Variants in KCNK2 observed in about 807,000 individuals in gnomAD.
The protein encoded by KCNK2 is potassium two pore domain channel subfamily K member 2.
KCNK2 carries 21 observed loss-of-function variants against 40.5 expected under a neutral mutation model. The observed-to-expected ratio is 0.52, with a 90% CI of 0.37 to 0.75. The LOEUF (loss-of-function observed/expected upper bound fraction) is 0.75, where lower values mean the gene tolerates loss of function less well. Among genes scored for constraint, KCNK2 ranks in the 30% least tolerant of loss-of-function variants. The probability of loss-of-function intolerance (pLI) is 0.00; values close to 1 mark genes in which losing one functional copy is unlikely to be tolerated. For synonymous variants in KCNK2, 191 were observed against 202.2 expected (o/e 0.94, Z 0.47); for missense variants, 399 against 531.6 (o/e 0.75, Z 2.45).
At chr1:215,025,188 T>C (rs1656960052) in intron 1 of KCNK2, among the ~76,000 whole-genome samples, 1 of 152,042 alleles carries the variant, frequency 6.6e-6, no homozygotes, top group Admixed American at 6.5e-5. Flanking sequence ...ATTGGTTAAA[T>C]GAGGATAATA....
chr1:215,062,545 T>C (rs1165831543), intron 1 of KCNK2, among the ~76,000 whole-genome samples: 1 of 150,848 alleles, frequency 6.6e-6, no homozygotes, highest in Non-Finnish European at 1.5e-5. Flanking sequence ...AAACAAGAAC[T>C]CTACACCTGA....
intron 1 of KCNK2, among the ~76,000 whole-genome samples, chr1:215,034,818 A>C (rs1391564758): frequency 6.6e-6 from 1 of 152,116 alleles, no homozygotes; most frequent in Non-Finnish European, 1.5e-5. Flanking sequence ...ATGAATGTTT[A>C]CTAACCCATG....
chr1:215,207,115 C>T lies in KCNK2; in HGVS notation c.963+12023C>T, dbSNP rs189811798. Among the ~76,000 whole-genome samples the T allele has an allele frequency of 5.9e-5, 9 of 152,184 alleles. No homozygotes were observed. The East Asian group carries it at 1.7e-3, about 29-fold the overall frequency. ...AATGTATGTGCAAACATACTCTCCC[C>T]CAAATGGAGATAGCTTTTTAAATCA... On this transcript the variant is annotated intron_variant, in intron 6 of 6. Transcript: ENST00000444842.
At chr1:215,193,159 A>T (rs1414295556) in intron 5 of KCNK2, among the ~76,000 whole-genome samples, 1 of 152,044 alleles carries the variant, frequency 6.6e-6, no homozygotes, top group Non-Finnish European at 1.5e-5. Flanking sequence ...TTGATTTTTA[A>T]TATATACCTG....
At chr1:215,085,911 G>T (rs1659411718) in intron 1 of KCNK2, among the ~76,000 whole-genome samples, 1 of 152,130 alleles carries the variant, frequency 6.6e-6, no homozygotes, top group Non-Finnish European at 1.5e-5. Context: ...AATAGAGAAT[G>T]TTCTTTATAT....
At chr1:215,218,609 T>C (rs1032988560) in intron 6 of KCNK2, among the ~76,000 whole-genome samples, 4 of 152,164 alleles carry the variant, frequency 2.6e-5, no homozygotes, top group Non-Finnish European at 5.9e-5. Flanking sequence ...TCAGTCTCTA[T>C]ACCACCACTT....
chr1:215,066,924 A>G (rs981225180), intron 1 of KCNK2, among the ~76,000 whole-genome samples: 3 of 152,266 alleles, frequency 2.0e-5, no homozygotes, highest in Non-Finnish European at 4.4e-5. Context: ...AATTCATATG[A>G]TATAATTTTT....
At chr1:215,132,919 A>T (rs578140159) in intron 3 of KCNK2, among the ~76,000 whole-genome samples, 54 of 152,356 alleles carry the variant, frequency 3.5e-4, no homozygotes, top group African/African-American at 1.3e-3. Context: ...TTGCCTATGT[A>T]TGTTACATCA....
At chr1:215,233,018 T>C (rs1666733999) in intron 6 of KCNK2, among the ~76,000 whole-genome samples, 2 of 152,214 alleles carry the variant, frequency 1.3e-5, no homozygotes, top group Non-Finnish European at 2.9e-5. Flanking sequence ...TATGCCTTCC[T>C]AACCTGGGAG....
At chr1:215,219,729 TCAA>T (rs1666097827) in intron 6 of KCNK2, among the ~76,000 whole-genome samples, 1 of 152,216 alleles carries the variant, frequency 6.6e-6, no homozygotes, top group Admixed American at 6.5e-5. Flanking sequence ...CATCAAACTG[TCAA>T]TTTATTGTTT....
In KCNK2 at chr1:215,083,443, C is replaced by CA. The variant is rs762979273; in HGVS notation, c.46+12_46+13insA. The CA allele has an allele frequency of 6.3e-7, 1 of 1,596,402 alleles. No homozygotes were observed. The highest frequency in any genetic ancestry group is 1.1e-5 in the South Asian group (1 of 90,680). On this transcript the variant is annotated intron_variant, in intron 1 of 6. Transcript: ENST00000444842. ...CTATAGAGCAGGAGGTGAGACCCCC[C>CA]CTCCGGTACCCCCACCCCTCTGGCC...
intron 6 of KCNK2, among the ~76,000 whole-genome samples, chr1:215,199,844 G>A (rs1000397156): frequency 6.6e-6 from 1 of 152,168 alleles, no homozygotes; most frequent in Non-Finnish European, 1.5e-5. Context: ...GCAGGGAGTA[G>A]AGCATCGTTA....
intron 2 of KCNK2, among the ~76,000 whole-genome samples, chr1:215,123,008 T>A (rs1435399504): frequency 6.6e-6 from 1 of 152,068 alleles, no homozygotes; most frequent in Admixed American, 6.6e-5. Flanking sequence ...CCTTCCAAAG[T>A]GCTGGGATTA....
chr1:215,012,743 A>G (rs2102471674), intron 1 of KCNK2, among the ~76,000 whole-genome samples: 1 of 122,646 alleles, frequency 8.2e-6, no homozygotes, highest in East Asian at 2.4e-4. Flanking sequence ...TTGCTTCCTT[A>G]TTGTTGGTTT....
upstream of KCNK2, chr1:215,005,736 G>A (rs1656104344): frequency 5.3e-6 from 3 of 566,788 alleles, no homozygotes; most frequent in African/African-American, 3.8e-5. Flanking sequence ...GCGTTTGTTC[G>A]TTTTGAGTGT....
chr1:215,085,048 G>A (rs1367068092), intron 1 of KCNK2, among the ~76,000 whole-genome samples: 2 of 152,136 alleles, frequency 1.3e-5, no homozygotes, highest in Non-Finnish European at 2.9e-5. Flanking sequence ...AAGAGGGCAG[G>A]GTAGGTAGCC....
At chr1:215,113,889 A>G (rs1257695188) in intron 2 of KCNK2, among the ~76,000 whole-genome samples, 1 of 152,162 alleles carries the variant, frequency 6.6e-6, no homozygotes, top group Non-Finnish European at 1.5e-5. Flanking sequence ...TAATCCCAAC[A>G]GATGTACAGC....
At chr1:215,155,135 CA>C (rs1662860252) in intron 3 of KCNK2, among the ~76,000 whole-genome samples, 1 of 152,024 alleles carries the variant, frequency 6.6e-6, no homozygotes, top group African/African-American at 2.4e-5. Flanking sequence ...GAGATAAAGA[CA>C]CAGTTTATTT....
At chr1:215,006,247 G>A (rs894930938) in intron 1 of KCNK2, among the ~76,000 whole-genome samples, 3 of 152,146 alleles carry the variant, frequency 2.0e-5, no homozygotes, top group African/African-American at 7.2e-5. Flanking sequence ...TGATCAACAT[G>A]TGTATCTATA....
Sources: allele counts gnomAD v4.1 joint callset (sites outside exome capture counted in the v4.1 genomes callset), GRCh38; gene constraint gnomAD v4.1.1; transcripts MANE v1.5; gene names NCBI Gene and HGNC (gene_info 2026-07-23, HGNC 2026-07-21).